PLA2G4E: variants seen among roughly 807,000 people sequenced by gnomAD.
The protein encoded by PLA2G4E is phospholipase A2 group IVE, also known as cytosolic phospholipase A2 epsilon.
A neutral mutation model predicts 109.1 loss-of-function variants in PLA2G4E; 84 were observed. The observed-to-expected ratio is 0.77, with a 90% CI of 0.65 to 0.92. The LOEUF is 0.92. PLA2G4E is among the 40% of genes least tolerant of loss of function. PLA2G4E has a pLI of 0.00. For missense variants in PLA2G4E, 1,057 were observed against 1,076.6 expected (o/e 0.98, Z 0.25); for synonymous variants, 469 against 436.1 (o/e 1.08, Z -0.94).
exon 1 of PLA2G4E, chr15:42,050,597 C>T (rs557701865): frequency 6.8e-5 from 106 of 1,550,628 alleles, no homozygotes; most frequent in South Asian, 6.7e-4. Flanking sequence ...CTCGAACTCA[C>T]TGAAACTTCT....
At chr15:42,008,270 G>A (rs949213338) in intron 2 of PLA2G4E, among the ~76,000 whole-genome samples, 2 of 152,232 alleles carry the variant, frequency 1.3e-5, no homozygotes, top group African/African-American at 4.8e-5. Context: ...CCAAAGTAGG[G>A]CCAAGCACTC....
chr15:41,982,540 G>A (rs1413459676), exon 20 of PLA2G4E: 1 of 152,232 alleles, frequency 6.6e-6, no homozygotes, highest in African/African-American at 2.4e-5. Flanking sequence ...TTAGAAATAA[G>A]TAATCCCATG....
intron 1 of PLA2G4E, among the ~76,000 whole-genome samples, chr15:42,027,793 G>A (rs753720604): frequency 2.7e-5 from 4 of 150,348 alleles, no homozygotes; most frequent in African/African-American, 4.9e-5. Context: ...GTCCTTGACC[G>A]CACTCTGTTT....
At chr15:42,034,623 A>G (rs1294902676) in intron 1 of PLA2G4E, among the ~76,000 whole-genome samples, 1 of 152,196 alleles carries the variant, frequency 6.6e-6, no homozygotes, top group African/African-American at 2.4e-5. Flanking sequence ...GGAACAATTA[A>G]ATCTCCTCCT....
intron 1 of PLA2G4E, among the ~76,000 whole-genome samples, chr15:42,017,451 C>T (rs930707018): frequency 6.6e-6 from 1 of 152,224 alleles, no homozygotes; most frequent in African/African-American, 2.4e-5. Flanking sequence ...TGTACAGGTT[C>T]TCTGTATATT....
At chr15:41,999,018 C>T (rs564108599) in intron 10 of PLA2G4E, 1 of 151,828 alleles carries the variant, frequency 6.6e-6, no homozygotes, top group African/African-American at 2.4e-5. Context: ...CACCACTGCA[C>T]TCCAGCCTGG....
At chr15:41,991,449 C>T (rs987950942) in intron 13 of PLA2G4E, among the ~76,000 whole-genome samples, 2 of 149,064 alleles carry the variant, frequency 1.3e-5, no homozygotes, top group Admixed American at 6.7e-5. Flanking sequence ...ATCCCAAGGC[C>T]GATGCCCTTG....
chr15:42,024,661 C>A (rs1336461490), intron 1 of PLA2G4E, among the ~76,000 whole-genome samples: 2 of 152,174 alleles, frequency 1.3e-5, no homozygotes, highest in Non-Finnish European at 2.9e-5. Context: ...TTCCTTCCCA[C>A]CTCCTGCCAG....
exon 20 of PLA2G4E, chr15:41,982,371 A>G (rs1429878961): frequency 6.6e-6 from 1 of 152,038 alleles, no homozygotes; most frequent in African/African-American, 2.4e-5. Flanking sequence ...TTTCCCAGAG[A>G]TTCATTAGGA....
chr15:42,011,460 C>T (rs749451084), intron 2 of PLA2G4E, among the ~76,000 whole-genome samples: 34 of 152,244 alleles, frequency 2.2e-4, no homozygotes, highest in Admixed American at 7.8e-4. Context: ...TAGTGGTTCA[C>T]GCCTGTAATC....
At chr15:42,005,088 C>T (rs903898320) in intron 4 of PLA2G4E, 110 bp from the exon 5 acceptor site, 43 of 1,280,498 alleles carry the variant, frequency 3.4e-5, no homozygotes, top group Non-Finnish European at 4.7e-5. Flanking sequence ...GTCCTTCCCC[C>T]ACAGCTGCCT....
Position 41,997,069 on chromosome 15 carries a change from C to T in PLA2G4E, c.1110+55G>A, listed in dbSNP as rs2068354086. 10 of 1,476,266 alleles carry T rather than the reference C, an allele frequency of 6.8e-6. No individual in the cohort carries two copies. The African/African-American group carries it at 7.0e-5, about 10-fold the overall frequency. 91.4% of individuals were successfully genotyped at this position (1,476,266 alleles called of 1,614,324 possible). Reference sequence around the variant, plus strand: ...GCAGGGCCTGGGTTGGCTGGGAGGGCATGGTGCTGGAAGGACCAGCTGGGC... The same window carrying T: ...GCAGGGCCTGGGTTGGCTGGGAGGGTATGGTGCTGGAAGGACCAGCTGGGC... On this transcript the variant is annotated intron_variant, in intron 11 of 19. Coordinates refer to ENST00000399518, the Ensembl canonical transcript of PLA2G4E.
intron 18 of PLA2G4E, among the ~76,000 whole-genome samples, chr15:41,985,105 A>G (rs996828465): frequency 6.6e-6 from 1 of 152,170 alleles, no homozygotes; most frequent in Non-Finnish European, 1.5e-5. Context: ...TCCTCTGCTC[A>G]CTAGCTGTGT....
intron 1 of PLA2G4E, among the ~76,000 whole-genome samples, chr15:42,020,405 C>A (rs1482630710): frequency 6.6e-6 from 1 of 152,190 alleles, no homozygotes; most frequent in Non-Finnish European, 1.5e-5. Flanking sequence ...GATCCATGAA[C>A]CCAGAGGTCT....
In PLA2G4E at chr15:42,047,893, A is replaced by G. The variant is rs572211257; in HGVS notation, c.183+2628T>C. Among the ~76,000 whole-genome samples the G allele has an allele frequency of 4.6e-5, 7 of 152,374 alleles. No homozygotes were observed. The South Asian group carries it at 1.5e-3, about 32-fold the overall frequency. On this transcript the variant is annotated intron_variant, in intron 1 of 19. Transcript: ENST00000399518. Reference sequence around the variant, plus strand: ...AAATTTTGTTGCATACATATGCACAATAGAATATTATTTAGCCACTAAAAT... The same window carrying G: ...AAATTTTGTTGCATACATATGCACAGTAGAATATTATTTAGCCACTAAAAT...
chr15:42,044,764 C>T (rs1413422627), intron 1 of PLA2G4E, among the ~76,000 whole-genome samples: 1 of 149,682 alleles, frequency 6.7e-6, no homozygotes, highest in Non-Finnish European at 1.5e-5. Context: ...TGCACATGTA[C>T]CCTAAAACTT....
intron 2 of PLA2G4E, chr15:42,010,244 G>A (rs374803299): frequency 1.8e-5 from 8 of 453,652 alleles, no homozygotes; most frequent in East Asian, 1.3e-4. Flanking sequence ...CACTTGGCGC[G>A]CATGATTTGA....
chr15:41,996,881 T>C (rs2068350843), intron 11 of PLA2G4E, among the ~76,000 whole-genome samples: 1 of 152,200 alleles, frequency 6.6e-6, no homozygotes, highest in Non-Finnish European at 1.5e-5. Context: ...CAGCAGGAAC[T>C]CTTAGTGCTT....
chr15:42,013,874 CT>C, intron 1 of PLA2G4E, 117 bp from the exon 2 acceptor site: 1 of 508,094 alleles, frequency 2.0e-6, no homozygotes, highest in Non-Finnish European at 3.3e-6. Flanking sequence ...ACAACAACCC[CT>C]AGGCTGGTTT....
Sources: allele counts gnomAD v4.1 joint callset (sites outside exome capture counted in the v4.1 genomes callset), GRCh38; gene constraint gnomAD v4.1.1; transcripts MANE v1.5; gene names NCBI Gene and HGNC (gene_info 2026-07-23, HGNC 2026-07-21).